Variants in NUP205 observed in about 807,000 individuals in gnomAD.
The protein encoded by NUP205 is nucleoporin 205.
A neutral mutation model predicts 253.8 loss-of-function variants in NUP205; 76 were observed. The observed-to-expected ratio is 0.30, with a 90% CI of 0.25 to 0.36. The LOEUF is 0.36. Among genes scored for constraint, NUP205 ranks in the 10% least tolerant of loss-of-function variants. NUP205 has a pLI of 1.00. For synonymous variants in NUP205, 832 were observed against 850.1 expected, an observed-to-expected ratio of 0.98 and a Z score of 0.37; for missense variants, 2,162 against 2,425.5, an observed-to-expected ratio of 0.89 and a Z score of 2.28.
At chr7:135,589,173 A>T (rs1584655055) in intron 10 of NUP205, among the ~76,000 whole-genome samples, 1 of 120,972 alleles carries the variant, frequency 8.3e-6, no homozygotes, top group South Asian at 2.9e-4. Context: ...CTGACTCTTT[A>T]AAAAAAAAAA....
chr7:135,617,702 T>C lies in NUP205; in HGVS notation c.3771+20T>C, dbSNP rs1563130694. 4.0e-6 allele frequency: 6 copies of C among 1,518,282 alleles called. No homozygotes were observed. The African/African-American group carries it at 6.9e-5, about 17-fold the overall frequency. The allele number at this position is 1,518,282 out of a possible 1,614,324, so 94.1% of individuals were successfully genotyped here. On this transcript the variant is annotated intron_variant, in intron 27 of 42. Transcript: ENST00000285968. ...ATGGAGGTAAGCTCTATTGAGTATGTGTTCGTTTCAAACTTCTAACTACTT... is the reference window on the plus strand; with the variant it reads ...ATGGAGGTAAGCTCTATTGAGTATGCGTTCGTTTCAAACTTCTAACTACTT...
rs773810419 is a variant in NUP205 at position 135,601,438 on chromosome 7, A to G, written c.2443A>G (p.Met815Val). The G allele has an allele frequency of 2.2e-5, 36 of 1,613,808 alleles. No individual in the cohort carries two copies. The highest frequency in any genetic ancestry group is 1.5e-4 in the African/African-American group (11 of 74,906). The change falls in exon 17 of 43, where the codon ATG (methionine) becomes GTG (valine). Residue 815 changes from methionine to valine, a missense_variant. By Grantham distance (21) the Met-to-Val change is conservative. Transcript: ENST00000285968. Reference sequence around the variant, plus strand: ...GTATCATCTGCTGAATGAGTCACCAATGTTGGAGCTTGCTCTCAGTTTACT... The same window carrying G: ...GTATCATCTGCTGAATGAGTCACCAGTGTTGGAGCTTGCTCTCAGTTTACT... ...LMYHLLNESP[M>V]LELALSLLEE...
chr7:135,643,111 C>A, intron 38 of NUP205, 81 bp from the exon 39 acceptor site: 3 of 1,334,260 alleles, frequency 2.2e-6, no homozygotes, highest in Non-Finnish European at 3.1e-6. Context: ...CTGGGGCATC[C>A]CTTGTTTTAA....
At chr7:135,614,623 A>C (rs1033872083) in intron 23 of NUP205, among the ~76,000 whole-genome samples, 9 of 152,186 alleles carry the variant, frequency 5.9e-5, no homozygotes, top group Non-Finnish European at 8.8e-5. Context: ...ATGAGGAAAA[A>C]AAAAATCCTG....
intron 35 of NUP205, among the ~76,000 whole-genome samples, chr7:135,631,315 C>T (rs964758536): frequency 2.6e-5 from 4 of 152,040 alleles, no homozygotes; most frequent in Admixed American, 2.6e-4. Flanking sequence ...TGAAGAGAAA[C>T]GAAAGGAATT....
At chr7:135,611,856 T>C (rs1444750651) in intron 22 of NUP205, among the ~76,000 whole-genome samples, 1 of 152,190 alleles carries the variant, frequency 6.6e-6, no homozygotes, top group African/African-American at 2.4e-5. Flanking sequence ...GGGTCACACC[T>C]GTAATCCCAG....
At chr7:135,632,556 C>T (rs1794734955) in intron 35 of NUP205, among the ~76,000 whole-genome samples, 1 of 147,324 alleles carries the variant, frequency 6.8e-6, no homozygotes, top group Non-Finnish European at 1.5e-5. Flanking sequence ...GTGGCTGAGC[C>T]CTCTGGGTTG....
chr7:135,619,899 A>G lies in NUP205; in HGVS notation c.4330+11A>G. The G allele has an allele frequency of 1.3e-6, 2 of 1,515,672 alleles. No individual in the cohort carries two copies. Among genetic ancestry groups the G allele is most frequent in the Non-Finnish European group, 1.8e-6 (2 of 1,099,464 alleles). The allele number at this position is 1,515,672 out of a possible 1,614,324, so 93.9% of individuals were successfully genotyped here. ...ACACCTTAGAAGCAGGTAGAATGAG[A>G]TCAATTCCTAATCTTTTCTGGATTG... On this transcript the variant is annotated intron_variant, in intron 30 of 42. Transcript: ENST00000285968.
At chr7:135,647,171 G>C (rs949137640) in intron 42 of NUP205, among the ~76,000 whole-genome samples, 1 of 152,228 alleles carries the variant, frequency 6.6e-6, no homozygotes, top group African/African-American at 2.4e-5. Context: ...TAACAAAGCA[G>C]GTATCAGGGT....
rs187198867 is a variant in NUP205 at position 135,606,662 on chromosome 7, G to T, written c.2906-89G>T. ...CAGGCAAACGATCTAAAGAAAACAT[G>T]GAGTTGGAATACAAGTTTTGTATTT... On this transcript the variant is annotated intron_variant, in intron 20 of 42. Transcript: ENST00000285968. 199 of 941,168 alleles carry T rather than the reference G, an allele frequency of 2.1e-4. No homozygotes were observed. In the African/African-American group the frequency reaches 3.0e-3, roughly 14 times the overall value. The allele number at this position is 941,168 out of a possible 1,614,324, so 58.3% of individuals were successfully genotyped here.
At chr7:135,570,734 T>G (rs1805949544) in intron 1 of NUP205, among the ~76,000 whole-genome samples, 1 of 101,278 alleles carries the variant, frequency 9.9e-6, no homozygotes, top group Non-Finnish European at 1.9e-5. Context: ...ATTTATATAT[T>G]ATATTAATAT....
intron 1 of NUP205, among the ~76,000 whole-genome samples, chr7:135,562,898 C>T (rs890026398): frequency 2.0e-5 from 3 of 152,156 alleles, no homozygotes; most frequent in Non-Finnish European, 2.9e-5. Flanking sequence ...TTGCCAAACC[C>T]GTTTTCTGTA....
At chr7:135,613,416 T>C (rs1794285531) in intron 22 of NUP205, among the ~76,000 whole-genome samples, 1 of 152,036 alleles carries the variant, frequency 6.6e-6, no homozygotes, top group Non-Finnish European at 1.5e-5. Flanking sequence ...GGATCTTCTT[T>C]GTAATTTCTG....
intron 3 of NUP205, among the ~76,000 whole-genome samples, 160 bp from the exon 4 acceptor site, chr7:135,576,110 A>G (rs575550520): frequency 1.2e-4 from 18 of 152,292 alleles, no homozygotes; most frequent in African/African-American, 4.3e-4. Flanking sequence ...TTGAGCAAGA[A>G]GTTAGACAGT....
At chr7:135,629,529 C>CT (rs767221141) in intron 34 of NUP205, among the ~76,000 whole-genome samples, 11,147 of 127,462 alleles carry the variant, frequency 0.087, 717 homozygotes, top group Non-Finnish European at 0.13. Context: ...CTCTGTCTCT[C>CT]TTTTTTTTTT....
At chr7:135,558,064 C>T in intron 1 of NUP205, 92 bp downstream of exon 1, 1 of 1,098,486 alleles carries the variant, frequency 9.1e-7, no homozygotes, top group South Asian at 1.2e-5. Flanking sequence ...GAGTCTAGGA[C>T]CCCACTTATG....
At chr7:135,566,148 G>A (rs544678260) in intron 1 of NUP205, among the ~76,000 whole-genome samples, 2 of 152,142 alleles carry the variant, frequency 1.3e-5, no homozygotes, top group East Asian at 3.9e-4. Flanking sequence ...TTGCTGTGTT[G>A]CCCAGGCTGG....
chr7:135,611,935 A>G (rs1794248886), intron 22 of NUP205, among the ~76,000 whole-genome samples: 1 of 152,130 alleles, frequency 6.6e-6, no homozygotes, highest in African/African-American at 2.4e-5. Flanking sequence ...TAACACGGTG[A>G]AACCCCGTCT....
Position 135,557,990 on chromosome 7 carries a change from GA to G in NUP205, c.28+21del. ...AAATTCGGGTAAGTGTGGCCAGACA[GA>G]AAGACGATTGAGCTGAGCGATAACC... On this transcript the variant is annotated intron_variant, in intron 1 of 42. Transcript: ENST00000285968. 6.2e-7 allele frequency: 1 copy of G among 1,607,986 alleles called. No individual in the cohort carries two copies. The highest frequency in any genetic ancestry group is 8.5e-7 in the Non-Finnish European group (1 of 1,174,370).
Sources: allele counts gnomAD v4.1 joint callset (sites outside exome capture counted in the v4.1 genomes callset), GRCh38; gene constraint gnomAD v4.1.1; transcripts MANE v1.5; gene names NCBI Gene and HGNC (gene_info 2026-07-23, HGNC 2026-07-21).